The following CNTNAP2 variants were observed in gnomAD, a reference collection of about 807,000 sequenced individuals.
The protein encoded by CNTNAP2 is contactin-associated protein-like 2.
A neutral mutation model predicts 155.2 loss-of-function variants in CNTNAP2; 98 were observed. The ratio of observed to expected loss-of-function variants is 0.63; its 90% CI spans 0.54 to 0.75. The LOEUF (loss-of-function observed/expected upper bound fraction) is 0.75, where lower values mean the gene tolerates loss of function less well. Among genes scored for constraint, CNTNAP2 ranks in the 30% least tolerant of loss-of-function variants. The probability of loss-of-function intolerance (pLI) is 0.00; values close to 1 mark genes in which losing one functional copy is unlikely to be tolerated. For missense variants in CNTNAP2, 1,727 were observed against 1,688.1 expected (o/e 1.02, Z -0.40); for synonymous variants, 651 against 631.2 (o/e 1.03, Z -0.47).
At chr7:146,308,823 G>T (rs1463132439) in intron 1 of CNTNAP2, among the ~76,000 whole-genome samples, 3 of 151,866 alleles carry the variant, frequency 2.0e-5, no homozygotes, top group Non-Finnish European at 4.4e-5. Flanking sequence ...ACCGGGGCCT[G>T]TTGTAGGGTG....
At position 146,720,432 on chromosome 7, in the gene CNTNAP2, G is replaced by A. The variant is rs184122145; in HGVS notation, c.98-53839G>A. Among the ~76,000 whole-genome samples the A allele has an allele frequency of 1.6e-4, 24 of 152,190 alleles. No individual in the cohort carries two copies. The East Asian group carries it at 3.3e-3, about 21-fold the overall frequency. On this transcript the variant is annotated intron_variant, in intron 1 of 23. Transcript: ENST00000361727. ...CTTAGGGGACACAAAAGTAGCTCACGGAGGGAAGTGCCTACATACTCTGCT... is the reference window on the plus strand; with the variant it reads ...CTTAGGGGACACAAAAGTAGCTCACAGAGGGAAGTGCCTACATACTCTGCT...
intron 10 of CNTNAP2, among the ~76,000 whole-genome samples, chr7:147,462,205 T>C (rs937244042): frequency 6.6e-6 from 1 of 152,160 alleles, no homozygotes; most frequent in Non-Finnish European, 1.5e-5. Flanking sequence ...GATAGCATCA[T>C]ATATATAGCA....
At chr7:146,769,120 A>C (rs1043414314) in intron 1 of CNTNAP2, among the ~76,000 whole-genome samples, 1 of 152,226 alleles carries the variant, frequency 6.6e-6, no homozygotes. Flanking sequence ...ATAAAACTCA[A>C]GGCCCATCTG....
intron 15 of CNTNAP2, among the ~76,000 whole-genome samples, chr7:148,061,914 A>ATAG (rs1563185291): frequency 2.1e-5 from 2 of 96,054 alleles, no homozygotes; most frequent in Admixed American, 1.1e-4. Flanking sequence ...TAGATAGATA[A>ATAG]ACAGATATAG....
chr7:147,746,712 C>T (rs1249897563), intron 13 of CNTNAP2, among the ~76,000 whole-genome samples: 3 of 152,112 alleles, frequency 2.0e-5, no homozygotes, highest in Non-Finnish European at 4.4e-5. Context: ...GTGGTTACCA[C>T]CCCAACCCTG....
intron 21 of CNTNAP2, among the ~76,000 whole-genome samples, chr7:148,330,744 T>G (rs1379931913): frequency 7.2e-6 from 1 of 138,492 alleles, no homozygotes; most frequent in Non-Finnish European, 1.5e-5. Context: ...GATGGATGGA[T>G]GGATGGAGTG....
chr7:146,303,072 A>ATG (rs60828609), intron 1 of CNTNAP2, among the ~76,000 whole-genome samples: 7,484 of 136,368 alleles, frequency 0.055, 228 homozygotes, highest in South Asian at 0.087. Flanking sequence ...CTTTGTGTGC[A>ATG]TGTGTGTGTG....
chr7:146,849,708 A>C (rs1190600124), intron 3 of CNTNAP2, among the ~76,000 whole-genome samples: 1 of 152,192 alleles, frequency 6.6e-6, no homozygotes, highest in East Asian at 1.9e-4. Context: ...CCATAAATAT[A>C]GTCTCTTCTT....
chr7:146,463,560 A>G (rs1796670057), intron 1 of CNTNAP2, among the ~76,000 whole-genome samples: 1 of 152,106 alleles, frequency 6.6e-6, no homozygotes, highest in African/African-American at 2.4e-5. Context: ...TATGATACAC[A>G]CACACATATA....
At chr7:147,663,304 C>T (rs1158961568) in intron 13 of CNTNAP2, among the ~76,000 whole-genome samples, 1 of 152,216 alleles carries the variant, frequency 6.6e-6, no homozygotes, top group East Asian at 1.9e-4. Context: ...CTGAATGTTT[C>T]TGTTTTAAAG....
chr7:147,560,935 C>T (rs1800050715), intron 11 of CNTNAP2, among the ~76,000 whole-genome samples: 1 of 151,398 alleles, frequency 6.6e-6, no homozygotes, highest in African/African-American at 2.4e-5. Context: ...GTCCCAGAAT[C>T]AGACCACCCA....
intron 13 of CNTNAP2, among the ~76,000 whole-genome samples, chr7:147,714,055 T>C (rs1008320796): frequency 1.3e-5 from 2 of 152,162 alleles, no homozygotes; most frequent in African/African-American, 2.4e-5. Flanking sequence ...GTACCTACTG[T>C]ATGCCAAGCG....
intron 1 of CNTNAP2, among the ~76,000 whole-genome samples, chr7:146,595,405 G>A (rs1031192426): frequency 6.6e-6 from 1 of 151,884 alleles, no homozygotes; most frequent in Non-Finnish European, 1.5e-5. Flanking sequence ...TGAATACATG[G>A]AATTATGTTG....
chr7:146,935,488 G>C (rs1293576217), intron 3 of CNTNAP2, among the ~76,000 whole-genome samples: 1 of 152,206 alleles, frequency 6.6e-6, no homozygotes, highest in East Asian at 1.9e-4. Context: ...TTAAAGAGAA[G>C]GTTGCCAGGA....
At chr7:147,817,171 G>A (rs140625916) in intron 13 of CNTNAP2, among the ~76,000 whole-genome samples, 1 of 152,026 alleles carries the variant, frequency 6.6e-6, no homozygotes, top group African/African-American at 2.4e-5. Context: ...AAAAGGAGAG[G>A]GGAAGAAGGA....
intron 15 of CNTNAP2, among the ~76,000 whole-genome samples, chr7:147,991,114 G>A (rs544124441): frequency 6.6e-6 from 1 of 152,164 alleles, no homozygotes; most frequent in South Asian, 2.1e-4. Flanking sequence ...TTAGAAACTT[G>A]GTCCCAGGAA....
intron 1 of CNTNAP2, among the ~76,000 whole-genome samples, chr7:146,343,438 C>T (rs924484818): frequency 3.3e-5 from 5 of 152,026 alleles, no homozygotes; most frequent in East Asian, 1.9e-4. Context: ...TGATACGTTC[C>T]GCCTTTGCTG....
In CNTNAP2 at chr7:147,274,938, ATTGT is replaced by A. The variant is rs1387149805; in HGVS notation, c.1349-25200_1349-25197del. On this transcript the variant is annotated intron_variant, in intron 8 of 23. Transcript: ENST00000361727. ...TTATTGAATAGGATGTCCTTTTCCC[ATTGT>A]TTATTTATGTTGATTTTGTCACAGA... Among the ~76,000 whole-genome samples the A allele has an allele frequency of 2.6e-5, 4 of 151,594 alleles. No individual in the cohort carries two copies. The East Asian group carries it at 7.8e-4, about 29-fold the overall frequency.
At chr7:146,989,613 T>C (rs76710939) in intron 3 of CNTNAP2, among the ~76,000 whole-genome samples, 1,562 of 152,216 alleles carry the variant, frequency 0.01, 30 homozygotes, top group African/African-American at 0.036. Context: ...AAATCTCATC[T>C]CTTGCTGCCC....
Sources: allele counts gnomAD v4.1 joint callset (sites outside exome capture counted in the v4.1 genomes callset), GRCh38; gene constraint gnomAD v4.1.1; transcripts MANE v1.5; gene names NCBI Gene and HGNC (gene_info 2026-07-23, HGNC 2026-07-21).